LRP1B: variants seen among roughly 807,000 people sequenced by gnomAD.
LRP1B encodes low-density lipoprotein receptor-related protein 1B.
Under a neutral mutation model 556.6 loss-of-function variants are expected in LRP1B, and 217 were observed. The observed-to-expected ratio is 0.39, with a 90% CI of 0.35 to 0.44. The LOEUF is 0.44. Among genes scored for constraint, LRP1B ranks in the 20% least tolerant of loss-of-function variants. The pLI, the probability that LRP1B is intolerant of heterozygous loss-of-function variation, is 1.00. For missense variants in LRP1B, 5,053 were observed against 5,620.8 expected (o/e 0.90, Z 3.23); for synonymous variants, 2,047 against 1,865.8 (o/e 1.10, Z -2.50).
At chr2:141,593,293 C>G (rs185929343) in intron 2 of LRP1B, among the ~76,000 whole-genome samples, 1 of 152,130 alleles carries the variant, frequency 6.6e-6, no homozygotes. Flanking sequence ...CATTTCATTT[C>G]ATTACTCAAA....
chr2:141,754,838 C>A (rs1201320546), intron 2 of LRP1B, among the ~76,000 whole-genome samples: 1 of 152,062 alleles, frequency 6.6e-6, no homozygotes. Flanking sequence ...TATATCTTGA[C>A]AGATGATATG....
intron 83 of LRP1B, among the ~76,000 whole-genome samples, chr2:140,306,745 T>C (rs1309575268): frequency 2.0e-5 from 3 of 152,076 alleles, no homozygotes; most frequent in Non-Finnish European, 4.4e-5. Flanking sequence ...TTAATTGTGA[T>C]GTTAGGGTGT....
intron 3 of LRP1B, among the ~76,000 whole-genome samples, chr2:141,260,238 T>C (rs1351804782): frequency 6.6e-6 from 1 of 152,180 alleles, no homozygotes; most frequent in Non-Finnish European, 1.5e-5. Context: ...AAAATACAAA[T>C]ATCACCCTCG....
chr2:141,708,830 G>T (rs1334336483), intron 2 of LRP1B, among the ~76,000 whole-genome samples: 1 of 152,008 alleles, frequency 6.6e-6, no homozygotes, highest in Admixed American at 6.6e-5. Context: ...CAAAGAAAAG[G>T]CTACATGTGA....
At chr2:141,390,279 A>G (rs6733660) in intron 3 of LRP1B, among the ~76,000 whole-genome samples, 150,621 of 152,252 alleles carry the variant, frequency 0.99, 74,518 homozygotes, top group East Asian at 1. Flanking sequence ...CTATATTAAT[A>G]TTTTTAATAA....
intron 2 of LRP1B, among the ~76,000 whole-genome samples, chr2:141,672,440 T>A (rs772294699): frequency 3.9e-5 from 6 of 152,184 alleles, no homozygotes; most frequent in Admixed American, 3.9e-4. Context: ...TATTCTATGC[T>A]ATTTCTAGTC....
chr2:140,923,222 G>T (rs990374683), intron 20 of LRP1B, 75 bp from the exon 21 acceptor site: 1 of 1,173,402 alleles, frequency 8.5e-7, no homozygotes, highest in Non-Finnish European at 1.2e-6. Context: ...CTTGTTGGTA[G>T]TTTTTATTTC....
intron 2 of LRP1B, 110 bp downstream of exon 2, chr2:141,810,169 G>GAAAGAAAA: frequency 1.4e-6 from 1 of 727,154 alleles, no homozygotes; most frequent in East Asian, 3.2e-5. Flanking sequence ...AAGAAAGAAG[G>GAAAGAAAA]AAAGAAAGAA....
At chr2:141,750,018 C>A (rs914545254) in intron 2 of LRP1B, among the ~76,000 whole-genome samples, 1 of 152,060 alleles carries the variant, frequency 6.6e-6, no homozygotes, top group Non-Finnish European at 1.5e-5. Flanking sequence ...AACTAAAGAC[C>A]AGTTTAGCAA....
At chr2:141,094,671 C>G (rs1348174937) in intron 7 of LRP1B, among the ~76,000 whole-genome samples, 2 of 152,196 alleles carry the variant, frequency 1.3e-5, no homozygotes, top group Admixed American at 1.3e-4. Context: ...CTAAATTATG[C>G]ATCACACCTC....
chr2:142,113,467 G>A (rs1209403932), intron 1 of LRP1B, among the ~76,000 whole-genome samples: 2 of 141,146 alleles, frequency 1.4e-5, no homozygotes. Context: ...ATGAGGTTAG[G>A]AGTAACCTTT....
intron 2 of LRP1B, among the ~76,000 whole-genome samples, chr2:141,521,847 T>C (rs1187110439): frequency 6.6e-6 from 1 of 152,136 alleles, no homozygotes; most frequent in Non-Finnish European, 1.5e-5. Context: ...GTGATTTAAT[T>C]ACAGTTAAAT....
intron 3 of LRP1B, among the ~76,000 whole-genome samples, chr2:141,294,739 CA>C (rs10700407): frequency 1.3e-4 from 18 of 139,278 alleles, no homozygotes; most frequent in East Asian, 2.1e-4. Flanking sequence ...GATTCTGTCT[CA>C]AAAAAAAAAA....
intron 43 of LRP1B, among the ~76,000 whole-genome samples, chr2:140,574,467 A>G (rs1431410383): frequency 1.3e-5 from 2 of 152,156 alleles, no homozygotes; most frequent in African/African-American, 4.8e-5. Flanking sequence ...GCTCAGGGAA[A>G]AAAATATCCA....
chr2:141,696,704 G>T (rs946714676), intron 2 of LRP1B, among the ~76,000 whole-genome samples: 6 of 151,952 alleles, frequency 3.9e-5, no homozygotes, highest in African/African-American at 1.4e-4. Context: ...CAATGGGGAA[G>T]AACCACTATA....
At chr2:140,915,545 T>A (rs1461160319) in intron 21 of LRP1B, among the ~76,000 whole-genome samples, 1 of 151,690 alleles carries the variant, frequency 6.6e-6, no homozygotes, top group Non-Finnish European at 1.5e-5. Flanking sequence ...TCCCAGCTAC[T>A]CAGGAGGCTG....
chr2:140,502,146 C>T (rs1370805036), intron 54 of LRP1B, among the ~76,000 whole-genome samples: 1 of 151,928 alleles, frequency 6.6e-6, no homozygotes, highest in Non-Finnish European at 1.5e-5. Context: ...AATTAATGAA[C>T]TATTTCTGCC....
rs148581508 is a variant in LRP1B at position 140,384,380 on chromosome 2, G to A, written c.10531+1513C>T. ...CTTCTATCCCTACCAGCTCCACCCCGTCAGAATTTTATTTTAATCATTAAG... is the reference window on the plus strand; with the variant it reads ...CTTCTATCCCTACCAGCTCCACCCCATCAGAATTTTATTTTAATCATTAAG... On this transcript the variant is annotated intron_variant, in intron 67 of 90. Transcript: ENST00000389484. Among the ~76,000 whole-genome samples the A allele has an allele frequency of 3.6e-4, 55 of 152,144 alleles. 1 individual carries two copies. The South Asian group carries it at 7.9e-3, about 22-fold the overall frequency.
At chr2:140,579,639 C>T (rs2105131992) in intron 43 of LRP1B, among the ~76,000 whole-genome samples, 1 of 152,194 alleles carries the variant, frequency 6.6e-6, no homozygotes, top group Admixed American at 6.5e-5. Context: ...GTCAGGAGTT[C>T]AAGACCAGCC....
Sources: allele counts gnomAD v4.1 joint callset (sites outside exome capture counted in the v4.1 genomes callset), GRCh38; gene constraint gnomAD v4.1.1; transcripts MANE v1.5; gene names NCBI Gene and HGNC (gene_info 2026-07-23, HGNC 2026-07-21).